The following TMEM72 variants were observed in gnomAD, a reference collection of about 807,000 sequenced individuals.
TMEM72 encodes the protein kidney-specific secretory protein of 37 kDa.
A neutral mutation model predicts 16.3 loss-of-function variants in TMEM72; 9 were observed. The observed-to-expected ratio is 0.55, with a 90% CI of 0.33 to 0.96. The LOEUF is 0.96. Among genes scored for constraint, TMEM72 ranks in the 40% least tolerant of loss-of-function variants. The pLI, the probability that TMEM72 is intolerant of heterozygous loss-of-function variation, is 0.03. For synonymous variants in TMEM72, 160 were observed against 146.5 expected (o/e 1.09, Z -0.66); for missense variants, 324 against 337.8 (o/e 0.96, Z 0.32).
rs1320682744 is a variant in TMEM72, at chr10:44,936,031, GA to G, written c.*898del. The G allele has an allele frequency of 3.3e-5, 5 of 152,280 alleles. No homozygotes were observed. Among genetic ancestry groups the G allele is most frequent in the African/African-American group, 1.2e-4 (5 of 41,464 alleles). The allele number at this position is 152,280 out of a possible 1,614,324, so 9.4% of individuals were successfully genotyped here. On this transcript the variant is annotated 3_prime_UTR_variant, in exon 5 of 5. Transcript: ENST00000389583. ...AAATGTCTTCAAAATGAAAGGAAGT[GA>G]GGGGGGAAGAAGAGGAGGGAAAATG...
intron 2 of TMEM72, among the ~76,000 whole-genome samples, 177 bp downstream of exon 2, chr10:44,928,164 A>G (rs1840230502): frequency 6.6e-6 from 1 of 152,070 alleles, no homozygotes; most frequent in African/African-American, 2.4e-5. Context: ...AGACCATCCC[A>G]TAAATCAATG....
intron 1 of TMEM72, among the ~76,000 whole-genome samples, chr10:44,926,218 C>T (rs944090934): frequency 6.6e-6 from 1 of 152,160 alleles, no homozygotes; most frequent in African/African-American, 2.4e-5. Context: ...CATACATGCA[C>T]TCACAAGCCT....
At position 44,934,676 on chromosome 10, in the gene TMEM72, G is replaced by T; in HGVS notation, c.370G>T (p.Gly124Cys). 6.3e-7 allele frequency: 1 copy of T among 1,593,416 alleles called. No homozygotes were observed. The highest frequency in any genetic ancestry group is 1.1e-5 in the South Asian group (1 of 88,356). The change falls in exon 5 of 5, where the codon GGC (glycine) becomes TGC (cysteine). Residue 124 changes from glycine (G) to cysteine (C), a missense_variant. Physicochemically the swap from Gly to Cys is radical, Grantham distance 159 (BLOSUM62 -3). Coordinates refer to ENST00000389583, the MANE Select transcript of TMEM72 (RefSeq NM_001123376.3). The stretch of plus-strand genomic sequence containing the variant: ...TCCAGGCTCCATGCTCATCATCACC[G>T]GCCTGGCCTACTTCCTTCTGAGCAA... Reference protein sequence around the residue: ...TIPGSMLIITGLAYFLLSKRK... With the variant: ...TIPGSMLIITCLAYFLLSKRK...
chr10:44,921,775 C>T (rs1362988525), intron 1 of TMEM72, among the ~76,000 whole-genome samples: 1 of 152,222 alleles, frequency 6.6e-6, no homozygotes, highest in Non-Finnish European at 1.5e-5. Context: ...GAGCTAGAAG[C>T]CCTCAGACTC....
chr10:44,918,887 G>A lies in TMEM72; in HGVS notation c.70+7305G>A, dbSNP rs139287948. 2.6e-5 allele frequency among the ~76,000 whole-genome samples: 4 copies of A among 151,686 alleles called. No homozygotes were observed. In the East Asian group the frequency reaches 5.8e-4, roughly 22 times the overall value. ...ACAGTGAGAAGACAGTTTTCTATAA[G>A]GAAGGGGTCCCTCAGATACCAAATC... is the stretch of plus-strand genomic sequence containing the variant. On this transcript the variant is annotated intron_variant, in intron 1 of 4. Coordinates refer to ENST00000389583, the MANE Select transcript of TMEM72 (RefSeq NM_001123376.3).
At chr10:44,916,089 G>A (rs1234411891) in intron 1 of TMEM72, among the ~76,000 whole-genome samples, 3 of 152,192 alleles carry the variant, frequency 2.0e-5, no homozygotes, top group Non-Finnish European at 4.4e-5. Flanking sequence ...AGGTCACATG[G>A]CCAGGAGACA....
intron 2 of TMEM72, 141 bp from the exon 3 acceptor site, chr10:44,931,857 G>A (rs1017287139): frequency 6.6e-5 from 53 of 808,108 alleles, no homozygotes; most frequent in Non-Finnish European, 9.3e-5. Flanking sequence ...GAGACAGCCC[G>A]TGGTGAATGT....
At chr10:44,914,047 G>A (rs1239915507) in intron 1 of TMEM72, among the ~76,000 whole-genome samples, 1 of 152,186 alleles carries the variant, frequency 6.6e-6, no homozygotes, top group East Asian at 1.9e-4. Flanking sequence ...CCTGCAGACA[G>A]GATCAGGGCT....
chr10:44,934,787 G>A lies in TMEM72; in HGVS notation c.481G>A (p.Gly161Ser), dbSNP rs201160000. The A allele has an allele frequency of 3.0e-5, 49 of 1,613,440 alleles. No homozygotes were observed. The highest frequency in any genetic ancestry group is 2.0e-4 in the African/African-American group (15 of 74,896). Reference protein sequence around the residue: ...DPSSSAVSTTGSGDTEQTYTF... With the variant: ...DPSSSAVSTTSSGDTEQTYTF... ...CTCTAGCAGCGCTGTGAGCACCACC[G>A]GCTCTGGGGACACAGAGCAAACCTA... Residue 161 changes from glycine (G) to serine (S), a missense_variant, in exon 5 of 5, where the codon GGC becomes AGC. Gly to Ser is a moderately conservative substitution (Grantham distance 56). Transcript: ENST00000389583.
chr10:44,912,484 A>AG (rs761402545), intron 1 of TMEM72, among the ~76,000 whole-genome samples: 9 of 152,232 alleles, frequency 5.9e-5, no homozygotes, highest in Non-Finnish European at 1.3e-4. Flanking sequence ...ACCACTGGGC[A>AG]AAAGCTTACC....
In TMEM72 at chr10:44,935,535, G is replaced by T. The variant is rs1446401052; in HGVS notation, c.*401G>T. On this transcript the variant is annotated 3_prime_UTR_variant, in exon 5 of 5. Transcript: ENST00000389583. ...AACCCAGGGCACAACACTCAGTGAG[G>T]AACCTATGGTCCACCCATCTCTGCA... is the stretch of plus-strand genomic sequence containing the variant. 1 of 171,400 alleles carries T rather than the reference G, an allele frequency of 5.8e-6. No homozygotes were observed. The allele number at this position is 171,400 out of a possible 1,614,324, so 10.6% of individuals were successfully genotyped here. A position where few individuals can be genotyped will look rare whatever the true frequency, so the allele number is the denominator to read the frequency against.
chr10:44,935,208 T>G lies in TMEM72; in HGVS notation c.*74T>G. 5.7e-6 allele frequency: 8 copies of G among 1,412,444 alleles called. No homozygotes were observed. The highest frequency in any genetic ancestry group is 7.6e-6 in the Non-Finnish European group (8 of 1,048,358). 87.5% of individuals were successfully genotyped at this position (1,412,444 alleles called of 1,614,324 possible). Reference sequence around the variant, plus strand: ...AATGGCCCTCCCTGGAGTTTCAGGGTCTTCTCTGGTCAGCTTTTCAAGGGG... The same window carrying G: ...AATGGCCCTCCCTGGAGTTTCAGGGGCTTCTCTGGTCAGCTTTTCAAGGGG... On this transcript the variant is annotated 3_prime_UTR_variant, in exon 5 of 5. Coordinates refer to ENST00000389583, the MANE Select transcript of TMEM72 (RefSeq NM_001123376.3).
chr10:44,933,523 C>T (rs758134887), intron 3 of TMEM72, 114 bp from the exon 4 acceptor site: 44 of 1,399,704 alleles, frequency 3.1e-5, no homozygotes, highest in Non-Finnish European at 4.1e-5. Context: ...TCTGTTCAGC[C>T]AGGGCCCACT....
intron 4 of TMEM72, among the ~76,000 whole-genome samples, chr10:44,934,080 T>C (rs1201547403): frequency 1.3e-5 from 2 of 152,084 alleles, no homozygotes; most frequent in Non-Finnish European, 2.9e-5. Flanking sequence ...TTCCCAAGGG[T>C]GTGACATGGC....
intron 1 of TMEM72, among the ~76,000 whole-genome samples, chr10:44,913,518 C>G (rs1839968630): frequency 6.6e-6 from 1 of 152,114 alleles, no homozygotes; most frequent in African/African-American, 2.4e-5. Flanking sequence ...TTAACCACAG[C>G]CTTTATCTCC....
intron 2 of TMEM72, among the ~76,000 whole-genome samples, chr10:44,929,013 T>C (rs1305612500): frequency 6.6e-6 from 1 of 152,270 alleles, no homozygotes; most frequent in African/African-American, 2.4e-5. Flanking sequence ...CATTATGTTA[T>C]TTAACTTTCA....
At chr10:44,927,025 G>A (rs936056304) in intron 1 of TMEM72, among the ~76,000 whole-genome samples, 2 of 152,152 alleles carry the variant, frequency 1.3e-5, no homozygotes, top group Non-Finnish European at 2.9e-5. Context: ...AGCCAGGGAT[G>A]ACAGCCCAGC....
intron 1 of TMEM72, among the ~76,000 whole-genome samples, chr10:44,926,325 G>A (rs986383747): frequency 6.6e-6 from 1 of 152,140 alleles, no homozygotes; most frequent in Non-Finnish European, 1.5e-5. Context: ...CCTCCACCTG[G>A]TCTCTAGGCC....
intron 1 of TMEM72, among the ~76,000 whole-genome samples, chr10:44,920,748 C>T (rs1277591501): frequency 6.6e-6 from 1 of 152,240 alleles, no homozygotes; most frequent in Non-Finnish European, 1.5e-5. Flanking sequence ...CTCTCATTTA[C>T]TTAGACTGAG....
Sources: allele counts gnomAD v4.1 joint callset (sites outside exome capture counted in the v4.1 genomes callset), GRCh38; gene constraint gnomAD v4.1.1; transcripts MANE v1.5; gene names NCBI Gene and HGNC (gene_info 2026-07-23, HGNC 2026-07-21).